Variants in ZAN observed in about 807,000 individuals in gnomAD.
ZAN encodes zonadhesin, also known as zonadhesin (gene/pseudogene).
A neutral mutation model predicts 286.2 loss-of-function variants in ZAN; 260 were observed. The observed-to-expected ratio is 0.91, with a 90% CI of 0.82 to 1.01. ZAN has a LOEUF of 1.01. Among genes scored for constraint, ZAN ranks in the 50% least tolerant of loss-of-function variants. ZAN has a pLI of 0.00. For synonymous variants in ZAN, 1,368 were observed against 1,417.5 expected, an observed-to-expected ratio of 0.97 and a Z score of 0.79; for missense variants, 3,410 against 3,639.2, an observed-to-expected ratio of 0.94 and a Z score of 1.62.
intron 19 of ZAN, 79 bp downstream of exon 19, chr7:100,760,615 C>T (rs1809500079): frequency 6.5e-7 from 1 of 1,546,336 alleles, no homozygotes; most frequent in Non-Finnish European, 8.8e-7. Context: ...TGCTGCCCAC[C>T]CTGCCCACTC....
rs777285944 is a variant in ZAN at position 100,779,540 on chromosome 7, C to T, written c.6412C>T (p.Arg2138Trp). The T allele has an allele frequency of 6.2e-5, 100 of 1,612,146 alleles. No homozygotes were observed. Among genetic ancestry groups the T allele is most frequent in the Middle Eastern group, 1.6e-4 (1 of 6,084 alleles). ...NCRAADLRRA[R>W]EKCEAALRAP... ...CAGGGCGGCCGACCTCCGCAGGGCG[C>T]GGGAAAAGTGCGAGGCAGCGCTCCG... Residue 2138 changes from arginine (R) to tryptophan (W), a missense_variant, in exon 35 of 48, where the codon CGG becomes TGG. Arg to Trp is a moderately radical substitution (Grantham distance 101, BLOSUM62 -3). Transcript: ENST00000613979.
chr7:100,795,975 G>C (rs1352963168), intron 45 of ZAN, among the ~76,000 whole-genome samples: 2 of 151,944 alleles, frequency 1.3e-5, no homozygotes, highest in African/African-American at 4.8e-5. Context: ...CAGCTACTCA[G>C]AGGCTGAGGC....
rs769243614 is a variant in ZAN, at chr7:100,787,973, A to C, written c.7064A>C (p.Tyr2355Ser). ...TACCGCTTGCAAGGCCGCATGACCT[A>C]TGTTCTGATCAAGACTGTGGACGTA... Reference protein sequence around the residue: ...FSYRLQGRMTYVLIKTVDVLP... With the variant: ...FSYRLQGRMTSVLIKTVDVLP... The change falls in exon 38 of 48, where the codon TAT becomes TCT. Residue 2355 changes from tyrosine to serine, a missense_variant. Around this residue, in one of 7 missense-constraint regions of ZAN, gnomAD observed 1,289 missense variants for 1,314.3 expected, o/e 0.98. Coordinates refer to ENST00000613979, the MANE Select transcript of ZAN (RefSeq NM_003386.3). 4.1e-6 allele frequency: 2 copies of C among 484,178 alleles called. No homozygotes were observed. Among genetic ancestry groups the C allele is most frequent in the South Asian group, 2.6e-5 (1 of 37,862 alleles). The allele number at this position is 484,178 out of a possible 1,614,324, so 30.0% of individuals were successfully genotyped here.
intron 41 of ZAN, 58 bp downstream of exon 41, chr7:100,792,206 C>T: frequency 6.6e-7 from 1 of 1,514,984 alleles, no homozygotes; most frequent in Admixed American, 2.2e-5. Context: ...TGGTCTTTCC[C>T]TGGGGCCTCC....
rs570719137 is a variant in ZAN, at chr7:100,734,402, G to A, written c.53+181G>A. ...TGGGAGGCTGAGGTGGGCAGATCAC[G>A]AGGTCAGGAGATCGAGACCATCCTG... On this transcript the variant is annotated intron_variant, in intron 2 of 47. Transcript: ENST00000613979. Among the ~76,000 whole-genome samples, 287 of 139,608 alleles carry A rather than the reference G, an allele frequency of 2.1e-3. 40 individuals are homozygous for A. The highest frequency in any genetic ancestry group is 6.5e-3 in the African/African-American group (249 of 38,370). 91.6% of individuals were successfully genotyped at this position (139,608 alleles called of 152,430 possible). A position where few individuals can be genotyped will look rare whatever the true frequency, so the allele number is the denominator to read the frequency against.
intron 19 of ZAN, 60 bp from the exon 20 acceptor site, chr7:100,762,154 GC>G: frequency 1.9e-6 from 3 of 1,599,742 alleles, no homozygotes; most frequent in South Asian, 2.2e-5. Context: ...CTCTGCCACT[GC>G]CCCTCGAGGA....
intron 37 of ZAN, among the ~76,000 whole-genome samples, chr7:100,786,961 C>CT (rs1811600768): frequency 6.6e-6 from 1 of 151,854 alleles, no homozygotes; most frequent in African/African-American, 2.4e-5. Flanking sequence ...ACTCAGGAGA[C>CT]TGACGCAGGA....
chr7:100,787,421 A>C (rs1264609019), intron 37 of ZAN, among the ~76,000 whole-genome samples: 1 of 152,084 alleles, frequency 6.6e-6, no homozygotes, highest in Admixed American at 6.6e-5. Context: ...TGTCTCAAAA[A>C]AAGAAAAAGA....
At chr7:100,776,209 T>G (rs1211615934) in intron 33 of ZAN, among the ~76,000 whole-genome samples, 1 of 151,316 alleles carries the variant, frequency 6.6e-6, no homozygotes. Context: ...TCCCAGCTGC[T>G]CGGGAGGCTG....
rs1305427233 is a variant in ZAN, at chr7:100,751,717, G to A, written c.1612G>A (p.Val538Met). 2.5e-6 allele frequency: 4 copies of A among 1,578,272 alleles called. No homozygotes were observed. Among genetic ancestry groups the A allele is most frequent in the Non-Finnish European group, 3.4e-6 (4 of 1,168,786 alleles). ...ATTCTTATTTTTCTTTGCAGTAAAA[G>A]TGCTACCAGAGCTTCCTCCCGTATC... ...LINPGTCPVK[V>M]LPELPPVSPV... The change falls in exon 14 of 48, where the codon GTG (valine) becomes ATG (methionine). Residue 538 changes from valine to methionine, a missense_variant. By Grantham distance (21) the Val-to-Met change is conservative (BLOSUM62 1). Around this residue, in one of 7 missense-constraint regions of ZAN, gnomAD observed 872 missense variants for 938.9 expected, o/e 0.93. Transcript: ENST00000613979.
intron 27 of ZAN, 148 bp downstream of exon 27, chr7:100,768,869 A>C: frequency 1.6e-6 from 1 of 639,946 alleles, no homozygotes; most frequent in Non-Finnish European, 2.6e-6. Context: ...TCCTGTTTAG[A>C]CTCTCCAAGA....
chr7:100,747,590 G>A lies in ZAN; in HGVS notation c.972G>A (p.Gly324=). 1 of 1,613,778 alleles carries A rather than the reference G, an allele frequency of 6.2e-7. No individual in the cohort carries two copies. The highest frequency in any genetic ancestry group is 2.2e-5 in the East Asian group (1 of 44,852). The change falls in exon 9 of 48, where the codon GGG becomes GGA. Residue 324 remains glycine, a synonymous_variant. Coordinates refer to ENST00000613979, the MANE Select transcript of ZAN (RefSeq NM_003386.3). The part of the protein sequence containing the change: ...RKHTLFSGQP[G]PNWQAVSVNY... Reference sequence around the variant, plus strand: ...ACACTCTCTTCTCAGGACAACCTGGGCCCAACTGGCAGGCTGTTTCTGTCA... The same window carrying A: ...ACACTCTCTTCTCAGGACAACCTGGACCCAACTGGCAGGCTGTTTCTGTCA...
At position 100,764,098 on chromosome 7, in the gene ZAN, G is replaced by C. The variant is rs1041341374; in HGVS notation, c.4169G>C (p.Gly1390Ala). Reference protein sequence around the residue: ...SCMLDMCGFQGLQHLLCTHMS... With the variant: ...SCMLDMCGFQALQHLLCTHMS... The stretch of plus-strand genomic sequence containing the variant: ...ATGCTTGATATGTGCGGATTCCAGG[G>C]GCTGCAGCACCTGCTGTGCACACAC... Residue 1390 changes from glycine to alanine, a missense_variant, in exon 22 of 48, where the codon GGG becomes GCG. Physicochemically the swap from Gly to Ala is moderately conservative, Grantham distance 60. Around this residue, in one of 7 missense-constraint regions of ZAN, gnomAD observed 1,042 missense variants for 1,058.0 expected, o/e 0.98. Transcript: ENST00000613979. 1.2e-6 allele frequency: 2 copies of C among 1,613,346 alleles called. No individual in the cohort carries two copies. The highest frequency in any genetic ancestry group is 2.7e-5 in the African/African-American group (2 of 74,902).
chr7:100,771,764 G>A lies in ZAN; in HGVS notation c.5249-80G>A, dbSNP rs1430964403. On this transcript the variant is annotated intron_variant, in intron 28 of 47. Transcript: ENST00000613979. ...CCAGGTTTTGACTGAAGTGGATGTC[G>A]AATCAGCCCCAGGGAAGCCACATGG... 20 of 1,446,960 alleles carry A rather than the reference G, an allele frequency of 1.4e-5. No homozygotes were observed. In the East Asian group the frequency reaches 3.3e-4, roughly 24 times the overall value. 89.6% of individuals were successfully genotyped at this position (1,446,960 alleles called of 1,614,324 possible). A position where few individuals can be genotyped will look rare whatever the true frequency, so the allele number is the denominator to read the frequency against.
chr7:100,769,795 C>A, intron 27 of ZAN, 85 bp from the exon 28 acceptor site: 1 of 1,231,778 alleles, frequency 8.1e-7, no homozygotes, highest in Non-Finnish European at 1.2e-6. Flanking sequence ...GATCCTCCTG[C>A]CTTGGCTTCC....
rs199907831 is a variant in ZAN, at chr7:100,755,573, ATCTTT to A, written c.3309+170_3309+174del. On this transcript the variant is annotated intron_variant, in intron 15 of 47. Coordinates refer to ENST00000613979, the MANE Select transcript of ZAN (RefSeq NM_003386.3). ...ACATGATGGCGAAGTTATTCATTCA[ATCTTT>A]TCTTTTTTTTTGAGACAGGGTCTCG... Among the ~76,000 whole-genome samples, 681 of 152,100 alleles carry A rather than the reference ATCTTT, an allele frequency of 4.5e-3. 7 individuals carry two copies. Among genetic ancestry groups the A allele is most frequent in the African/African-American group, 0.015 (626 of 41,488 alleles).
rs561510292 is a variant in ZAN at position 100,757,159 on chromosome 7, GT to G, written c.3310-1033del. On this transcript the variant is annotated intron_variant, in intron 15 of 47. Coordinates refer to ENST00000613979, the MANE Select transcript of ZAN (RefSeq NM_003386.3). ...GTGTTTTTTTGGTTTGTTTTTTGGG[GT>G]TTTTTTTTTGGTAGAGATGGGGTCT... Among the ~76,000 whole-genome samples, 1,441 of 147,124 alleles carry G rather than the reference GT, an allele frequency of 9.8e-3. 10 individuals carry two copies. The highest frequency in any genetic ancestry group is 0.016 in the Non-Finnish European group (1,034 of 66,430).
chr7:100,736,016 CT>C (rs1157119687), intron 3 of ZAN, among the ~76,000 whole-genome samples: 1 of 141,408 alleles, frequency 7.1e-6, no homozygotes. Flanking sequence ...AAGATTCTCT[CT>C]TTCAAATCTC....
At chr7:100,746,513 A>T (rs540138342) in intron 7 of ZAN, 25 bp from the exon 8 acceptor site, 1 of 1,613,010 alleles carries the variant, frequency 6.2e-7, no homozygotes, top group Non-Finnish European at 8.5e-7. Flanking sequence ...CATCCACCCC[A>T]GTTCCCTGGC....
Sources: allele counts gnomAD v4.1 joint callset (sites outside exome capture counted in the v4.1 genomes callset), GRCh38; gene constraint gnomAD v4.1.1; regional missense constraint gnomAD v4.1.1; transcripts MANE v1.5; gene names NCBI Gene and HGNC (gene_info 2026-07-23, HGNC 2026-07-21).